Variants in NSDHL observed in about 807,000 individuals in gnomAD.
NSDHL encodes sterol-4-alpha-carboxylate 3-dehydrogenase, decarboxylating.
In NSDHL, 1 loss-of-function variant was observed where a neutral mutation model predicts 23.0. The observed-to-expected ratio is 0.04, with a 90% CI of 0.02 to 0.21. NSDHL has a LOEUF of 0.21. Among genes scored for constraint, NSDHL ranks in the 10% least tolerant of loss-of-function variants. The pLI, the probability that NSDHL is intolerant of heterozygous loss-of-function variation, is 1.00. For missense variants in NSDHL, 237 were observed against 300.9 expected (o/e 0.79, Z 1.57); for synonymous variants, 128 against 121.1 (o/e 1.06, Z -0.37).
At chrX:152,866,694 T>C (rs1437245607) in intron 6 of NSDHL, among the ~76,000 whole-genome samples, 1 of 112,408 alleles carries the variant, frequency 8.9e-6, no homozygotes, top group Non-Finnish European at 1.9e-5. Flanking sequence ...GTTCCTTGCT[T>C]TCTGTGTCCA....
intron 1 of NSDHL, among the ~76,000 whole-genome samples, chrX:152,843,207 T>C (rs1556845123): frequency 8.9e-6 from 1 of 112,129 alleles, no homozygotes; most frequent in Non-Finnish European, 1.9e-5. Context: ...CATCCTCCTC[T>C]AGCAAACGAG....
At chrX:152,845,413 C>T (rs1231509402) in intron 1 of NSDHL, among the ~76,000 whole-genome samples, 4 of 111,450 alleles carry the variant, frequency 3.6e-5, no homozygotes, top group African/African-American at 1.3e-4. Context: ...TTAGGGGAGC[C>T]ATGACTAAGT....
intron 1 of NSDHL, among the ~76,000 whole-genome samples, chrX:152,844,934 T>C (rs1300236307): frequency 8.9e-6 from 1 of 112,117 alleles, no homozygotes; most frequent in Non-Finnish European, 1.9e-5. Flanking sequence ...ATCAGCCACA[T>C]GTCTTTCGAA....
chrX:152,857,167 A>G lies in NSDHL; in HGVS notation c.268-1603A>G, dbSNP rs782819289. 1.1e-4 allele frequency among the ~76,000 whole-genome samples: 12 copies of G among 113,117 alleles called. No homozygotes were observed. The Admixed American group carries it at 1.1e-3, about 11-fold the overall frequency. ...CTAATAAATGTAAAGGCCATGAATT[A>G]AAAGGCTAGACTTAGAATGTCACCA... On this transcript the variant is annotated intron_variant, in intron 3 of 7. Transcript: ENST00000370274.
chrX:152,867,490 A>G lies in NSDHL; in HGVS notation c.687-81A>G. The G allele has an allele frequency of 8.1e-6, 6 of 740,449 alleles. No homozygotes were observed. The Admixed American group carries it at 1.4e-4, about 17-fold the overall frequency. The allele number at this position is 740,449 out of a possible 1,213,427, so 61.0% of individuals were successfully genotyped here. On this transcript the variant is annotated intron_variant, in intron 6 of 7. Transcript: ENST00000370274. The stretch of plus-strand genomic sequence containing the variant: ...GCCATTCTGTAGGTCACAGTCTCTC[A>G]AATGCCAAGACTTGGGAGTGGCCCT...
intron 3 of NSDHL, 143 bp from the exon 4 acceptor site, chrX:152,858,627 C>G: frequency 1.9e-6 from 1 of 514,656 alleles, no homozygotes; most frequent in South Asian, 3.1e-5. Flanking sequence ...ATCATTGATT[C>G]TTTTATGAGA....
chrX:152,839,903 T>G (rs1183105633), intron 1 of NSDHL, among the ~76,000 whole-genome samples: 1 of 112,556 alleles, frequency 8.9e-6, no homozygotes, highest in Non-Finnish European at 1.9e-5. Context: ...TTTTCCAACT[T>G]GGTTCCATTC....
At chrX:152,848,876 C>G (rs1933314095) in intron 2 of NSDHL, among the ~76,000 whole-genome samples, 1 of 112,554 alleles carries the variant, frequency 8.9e-6, no homozygotes, top group African/African-American at 3.2e-5. Flanking sequence ...TTGGCTATGA[C>G]TTGAGGAAAT....
intron 5 of NSDHL, among the ~76,000 whole-genome samples, chrX:152,864,536 C>T (rs1030923364): frequency 4.5e-5 from 5 of 112,290 alleles, no homozygotes; most frequent in South Asian, 3.7e-4. Context: ...ATCAGTGTCT[C>T]GCTTATATCA....
At chrX:152,856,789 G>C (rs1556846990) in intron 3 of NSDHL, among the ~76,000 whole-genome samples, 2 of 113,048 alleles carry the variant, frequency 1.8e-5, no homozygotes, top group African/African-American at 6.4e-5. Context: ...TGGGTGCAGG[G>C]CTAGCGCCTG....
At chrX:152,850,089 G>C (rs1005887103) in intron 2 of NSDHL, among the ~76,000 whole-genome samples, 176 bp from the exon 3 acceptor site, 1 of 112,090 alleles carries the variant, frequency 8.9e-6, no homozygotes, top group African/African-American at 3.2e-5. Context: ...GAGAAGGTTA[G>C]GGTTGCACTA....
intron 4 of NSDHL, among the ~76,000 whole-genome samples, chrX:152,861,495 T>C (rs1405493040): frequency 8.8e-6 from 1 of 113,062 alleles, no homozygotes; most frequent in Non-Finnish European, 1.9e-5. Flanking sequence ...TTGGCTATTC[T>C]GAGCCCTTTG....
At chrX:152,847,293 ACT>A (rs1468498496) in intron 2 of NSDHL, among the ~76,000 whole-genome samples, 3 of 112,024 alleles carry the variant, frequency 2.7e-5, no homozygotes, top group African/African-American at 9.7e-5. Flanking sequence ...ACAGAGCGAG[ACT>A]CTGTCTCAAA....
chrX:152,842,556 T>C (rs1412247047), intron 1 of NSDHL, among the ~76,000 whole-genome samples: 1 of 111,653 alleles, frequency 9.0e-6, no homozygotes, highest in Non-Finnish European at 1.9e-5. Context: ...TGGAGTGCAA[T>C]GGCGGCACCA....
intron 1 of NSDHL, among the ~76,000 whole-genome samples, chrX:152,845,715 C>T (rs1418939941): frequency 9.0e-6 from 1 of 111,649 alleles, no homozygotes; most frequent in Non-Finnish European, 1.9e-5. Context: ...CTTAGCCAAG[C>T]AGGAGAGCTC....
chrX:152,856,817 G>A (rs1297678212), intron 3 of NSDHL, among the ~76,000 whole-genome samples: 1 of 113,031 alleles, frequency 8.8e-6, no homozygotes, highest in Admixed American at 9.3e-5. Flanking sequence ...AGCACTTTGG[G>A]AGGCCAAGAC....
At chrX:152,854,213 A>G (rs1407298064) in intron 3 of NSDHL, among the ~76,000 whole-genome samples, 6 of 110,772 alleles carry the variant, frequency 5.4e-5, no homozygotes, top group Non-Finnish European at 1.1e-4. Flanking sequence ...GCCACACTCA[A>G]CTGCTCAGCC....
intron 2 of NSDHL, among the ~76,000 whole-genome samples, chrX:152,846,812 G>C (rs2125007270): frequency 8.9e-6 from 1 of 112,046 alleles, no homozygotes; most frequent in Admixed American, 9.5e-5. Flanking sequence ...CCTTCATGTG[G>C]CCTCCAGTAG....
chrX:152,831,379 G>A (rs1243118447), intron 1 of NSDHL, among the ~76,000 whole-genome samples: 1 of 111,222 alleles, frequency 9.0e-6, no homozygotes, highest in Non-Finnish European at 1.9e-5. Context: ...CTGGGACCTA[G>A]GAACTGAATC....
Sources: gnomAD v4.1 joint callset for allele counts (sites outside exome capture counted in the v4.1 genomes callset) on GRCh38, gnomAD v4.1.1 for gene constraint, MANE v1.5 for transcripts, NCBI Gene and HGNC (gene_info 2026-07-23, HGNC 2026-07-21) for gene names.